DIAPH3: variants seen among roughly 807,000 people sequenced by gnomAD.
The protein encoded by DIAPH3 is protein diaphanous homolog 3.
A neutral mutation model predicts 144.3 loss-of-function variants in DIAPH3; 117 were observed. That is an observed-to-expected ratio of 0.81 (90% CI 0.70 to 0.95). The LOEUF is 0.95. Ranked by LOEUF, DIAPH3 falls within the 40% of genes least tolerant of loss-of-function variation. The probability of loss-of-function intolerance (pLI) is 0.00; values close to 1 mark genes in which losing one functional copy is unlikely to be tolerated. For synonymous variants in DIAPH3, 519 were observed against 488.9 expected (o/e 1.06, Z -0.81); for missense variants, 1,421 against 1,412.7 (o/e 1.01, Z -0.09).
At chr13:59,736,708 T>C (rs1374392986) in intron 27 of DIAPH3, among the ~76,000 whole-genome samples, 1 of 152,112 alleles carries the variant, frequency 6.6e-6, no homozygotes, top group Non-Finnish European at 1.5e-5. Flanking sequence ...AAGGCAATCC[T>C]AAGCAAAAAA....
chr13:60,096,145 A>T (rs2058098532), intron 3 of DIAPH3, among the ~76,000 whole-genome samples: 1 of 152,242 alleles, frequency 6.6e-6, no homozygotes, highest in Non-Finnish European at 1.5e-5. Context: ...AAGTAATGAG[A>T]TAGTTAGGGG....
chr13:60,080,331 A>T (rs1470264236), intron 4 of DIAPH3, among the ~76,000 whole-genome samples: 8 of 151,882 alleles, frequency 5.3e-5, no homozygotes, highest in Non-Finnish European at 1.2e-4. Context: ...AACATTCTAC[A>T]ATGTGTTATA....
chr13:59,774,062 A>G lies in DIAPH3; in HGVS notation c.3319+127T>C, dbSNP rs546373579. The G allele has an allele frequency of 7.6e-5, 71 of 932,768 alleles. No homozygotes were observed. In the South Asian group the frequency reaches 1.1e-3, roughly 14 times the overall value. 57.8% of individuals were successfully genotyped at this position (932,768 alleles called of 1,614,324 possible). ...ACGCAATCTCATAGCAAATATGTAC[A>G]TGCACACATTTTTACTATTTTAGTT... On this transcript the variant is annotated intron_variant, in intron 27 of 27. Transcript: ENST00000400324.
chr13:59,900,322 G>A (rs1010475596), intron 20 of DIAPH3, among the ~76,000 whole-genome samples: 1 of 152,108 alleles, frequency 6.6e-6, no homozygotes, highest in Non-Finnish European at 1.5e-5. Context: ...ATGAGAGCAA[G>A]GTCTGGAGGC....
chr13:59,832,914 C>T, intron 24 of DIAPH3, 193 bp downstream of exon 24: 1 of 567,678 alleles, frequency 1.8e-6, no homozygotes, highest in South Asian at 2.0e-5. Flanking sequence ...CTGATTACAG[C>T]TTAATGTTGG....
At chr13:59,905,893 T>A (rs1352661457) in intron 20 of DIAPH3, among the ~76,000 whole-genome samples, 6 of 152,232 alleles carry the variant, frequency 3.9e-5, no homozygotes, top group Non-Finnish European at 5.9e-5. Context: ...TAAACCATTT[T>A]GGACTATTGA....
intron 4 of DIAPH3, chr13:60,044,360 C>T (rs532700581): frequency 2.0e-5 from 3 of 152,092 alleles, no homozygotes; most frequent in South Asian, 2.1e-4. Flanking sequence ...ACTGTAAAGA[C>T]GGGTTATTTT....
At chr13:60,090,018 A>G (rs2057879336) in intron 4 of DIAPH3, among the ~76,000 whole-genome samples, 1 of 152,186 alleles carries the variant, frequency 6.6e-6, no homozygotes, top group Non-Finnish European at 1.5e-5. Flanking sequence ...GCAGGAATGC[A>G]TTAAGCCAGA....
At chr13:59,726,975 C>A (rs1181615514) in intron 27 of DIAPH3, among the ~76,000 whole-genome samples, 4 of 152,056 alleles carry the variant, frequency 2.6e-5, no homozygotes. Flanking sequence ...TATAAATTAT[C>A]TTTTCTCTTT....
chr13:59,809,278 G>A (rs1033427313), intron 25 of DIAPH3, among the ~76,000 whole-genome samples: 2 of 152,116 alleles, frequency 1.3e-5, no homozygotes, highest in Admixed American at 6.5e-5. Context: ...GAGGTGGGTG[G>A]GTCACCTGAG....
rs563723903 is a variant in DIAPH3 at position 59,988,907 on chromosome 13, A to G, written c.1361+2251T>C. Among the ~76,000 whole-genome samples, 10 of 151,902 alleles carry G rather than the reference A, an allele frequency of 6.6e-5. No homozygotes were observed. In the South Asian group the frequency reaches 2.1e-3, roughly 31 times the overall value. ...AGCCCCCTCCCTTTTTCCCAGGGAAAAGGGGCTGCCTTTGACATATATTCT... is the reference window on the plus strand; with the variant it reads ...AGCCCCCTCCCTTTTTCCCAGGGAAGAGGGGCTGCCTTTGACATATATTCT... On this transcript the variant is annotated intron_variant, in intron 12 of 27. Transcript: ENST00000400324.
intron 9 of DIAPH3, among the ~76,000 whole-genome samples, chr13:59,998,854 C>T (rs186607039): frequency 9.2e-5 from 14 of 152,058 alleles, no homozygotes; most frequent in African/African-American, 2.9e-4. Flanking sequence ...TGCATCCTTC[C>T]GGGATAGCTC....
At chr13:59,830,877 C>T (rs901734247) in intron 24 of DIAPH3, among the ~76,000 whole-genome samples, 4 of 151,772 alleles carry the variant, frequency 2.6e-5, no homozygotes, top group African/African-American at 9.7e-5. Context: ...CACTTACAAA[C>T]AATATGGCAT....
At chr13:59,873,912 T>C (rs1450060176) in intron 21 of DIAPH3, among the ~76,000 whole-genome samples, 3 of 152,110 alleles carry the variant, frequency 2.0e-5, no homozygotes, top group Admixed American at 1.3e-4. Flanking sequence ...CCTCAGGTGA[T>C]AGGCCCGCCT....
intron 20 of DIAPH3, among the ~76,000 whole-genome samples, chr13:59,903,241 G>T (rs1335970494): frequency 1.3e-5 from 2 of 152,156 alleles, no homozygotes; most frequent in African/African-American, 4.8e-5. Context: ...TTTTGTATCT[G>T]GACATTTGCA....
chr13:60,106,763 T>C (rs1717425398), intron 3 of DIAPH3, among the ~76,000 whole-genome samples: 1 of 152,116 alleles, frequency 6.6e-6, no homozygotes, highest in Non-Finnish European at 1.5e-5. Flanking sequence ...CCAATAAGCA[T>C]GTGAAAAGAT....
intron 19 of DIAPH3, among the ~76,000 whole-genome samples, chr13:59,914,275 C>T (rs1034352792): frequency 3.9e-5 from 6 of 151,994 alleles, no homozygotes; most frequent in African/African-American, 9.7e-5. Flanking sequence ...AGGAATTCTT[C>T]GCATTAAAAT....
Position 59,683,636 on chromosome 13 carries a change from C to A in DIAPH3, c.3320-16790G>T, listed in dbSNP as rs140354509. Among the ~76,000 whole-genome samples, 431 of 152,136 alleles carry A rather than the reference C, an allele frequency of 2.8e-3. 3 individuals are homozygous for A. Among genetic ancestry groups the A allele is most frequent in the African/African-American group, 0.01 (416 of 41,510 alleles). ...AAGAGTTTATAAAGGGTGCATTGGG[C>A]AGAATTTGAAGAGCAGCATACGAAA... On this transcript the variant is annotated intron_variant, in intron 27 of 27. Transcript: ENST00000400324.
At chr13:60,030,414 A>C (rs956232353) in intron 5 of DIAPH3, among the ~76,000 whole-genome samples, 2 of 151,988 alleles carry the variant, frequency 1.3e-5, no homozygotes, top group South Asian at 2.1e-4. Context: ...CTTGCACCTC[A>C]TCTAGTATTC....
Sources: gnomAD v4.1 joint callset for allele counts (sites outside exome capture counted in the v4.1 genomes callset) on GRCh38, gnomAD v4.1.1 for gene constraint, MANE v1.5 for transcripts, NCBI Gene and HGNC (gene_info 2026-07-23, HGNC 2026-07-21) for gene names.